Variants in CUBN observed in about 807,000 individuals in gnomAD.
The protein encoded by CUBN is cubilin.
Under a neutral mutation model 405.3 loss-of-function variants are expected in CUBN, and 282 were observed. The ratio of observed to expected loss-of-function variants is 0.70; its 90% CI spans 0.63 to 0.77. The LOEUF (loss-of-function observed/expected upper bound fraction) is 0.77, where lower values mean the gene tolerates loss of function less well. Among genes scored for constraint, CUBN ranks in the 30% least tolerant of loss-of-function variants. The pLI is 0.00. For synonymous variants in CUBN, 1,684 were observed against 1,617.0 expected, an observed-to-expected ratio of 1.04 and a Z score of -0.99; for missense variants, 4,514 against 4,475.2, an observed-to-expected ratio of 1.01 and a Z score of -0.25.
chr10:17,001,834 C>T (rs1475829624), intron 28 of CUBN, among the ~76,000 whole-genome samples: 1 of 152,088 alleles, frequency 6.6e-6, no homozygotes, highest in East Asian at 1.9e-4. Flanking sequence ...TTTTGGTACA[C>T]AGGGTCAAAA....
At chr10:16,872,349 C>CATAT (rs138781700) in intron 58 of CUBN, among the ~76,000 whole-genome samples, 9,229 of 148,966 alleles carry the variant, frequency 0.062, 319 homozygotes, top group African/African-American at 0.077. Flanking sequence ...TGTATACATA[C>CATAT]ATATATATAT....
chr10:17,013,922 G>C (rs1295687654), intron 28 of CUBN, among the ~76,000 whole-genome samples: 2 of 152,168 alleles, frequency 1.3e-5, no homozygotes, highest in Non-Finnish European at 2.9e-5. Context: ...ATCATCTCAG[G>C]CTGCATAAAT....
chr10:17,023,642 C>T (rs1438027727), intron 27 of CUBN: 1 of 455,916 alleles, frequency 2.2e-6, no homozygotes, highest in South Asian at 1.5e-5. Context: ...CTCATTGCAA[C>T]TACTGACAAG....
At chr10:16,936,420 T>A (rs117761513) in intron 39 of CUBN, among the ~76,000 whole-genome samples, 2,010 of 152,284 alleles carry the variant, frequency 0.013, 26 homozygotes, top group Non-Finnish European at 0.023. Context: ...AGCACCTTAT[T>A]AGAGAGGTAG....
Position 16,899,067 on chromosome 10 carries a change from A to G in CUBN, c.8527T>C (p.Leu2843=), listed in dbSNP as rs2131417185. The G allele has an allele frequency of 6.2e-7, 1 of 1,613,754 alleles. No individual in the cohort carries two copies. The highest frequency in any genetic ancestry group is 2.2e-5 in the East Asian group (1 of 44,876). The change falls in exon 54 of 67, where the codon TTG becomes CTG. Residue 2843 remains leucine, a synonymous_variant. Coordinates refer to ENST00000377833, the MANE Select transcript of CUBN (RefSeq NM_001081.4). ...WTAITHKSKH[L]EISFDNNFLI... is the part of the protein sequence containing the mutation. ...AAGTTGTTGTCAAAGCTGATCTCCA[A>G]GTGTTTACTTTTGTGAGTAATGGCC...
chr10:17,126,488 G>T (rs1381286867), intron 4 of CUBN, among the ~76,000 whole-genome samples: 6 of 152,174 alleles, frequency 3.9e-5, no homozygotes, highest in African/African-American at 1.4e-4. Context: ...CAGCTAAAGG[G>T]TGATGGTAAA....
At chr10:16,995,488 C>T (rs1301612654) in intron 28 of CUBN, among the ~76,000 whole-genome samples, 1 of 152,106 alleles carries the variant, frequency 6.6e-6, no homozygotes, top group Admixed American at 6.5e-5. Context: ...TGTATTCTAT[C>T]TTTACATTTT....
At chr10:16,875,982 G>A (rs17139411) in intron 57 of CUBN, among the ~76,000 whole-genome samples, 15,039 of 152,228 alleles carry the variant, frequency 0.099, 1,391 homozygotes, top group East Asian at 0.32. Context: ...ACAGCCATAT[G>A]TAGTCATACT....
At chr10:17,037,518 T>G (rs961260382) in intron 27 of CUBN, among the ~76,000 whole-genome samples, 3 of 152,236 alleles carry the variant, frequency 2.0e-5, no homozygotes, top group African/African-American at 7.2e-5. Context: ...AACTTCAGCA[T>G]AGACCACCAG....
rs1842612702 is a variant in CUBN at position 16,940,112 on chromosome 10, A to G, written c.5468T>C (p.Ile1823Thr). 2 of 1,614,034 alleles carry G rather than the reference A, an allele frequency of 1.2e-6. No individual in the cohort carries two copies. The highest frequency in any genetic ancestry group is 2.7e-5 in the African/African-American group (2 of 74,930). The change falls in exon 37 of 67, where the codon ATC becomes ACC. Residue 1823 changes from isoleucine to threonine, a missense_variant. By Grantham distance (89) the Ile-to-Thr change is moderately conservative (BLOSUM62 -1). This residue lies in a region of CUBN where 1,613 missense variants were observed against 1,542.8 expected (regional missense o/e 1.05). Transcript: ENST00000377833. ...GNSFPLNYSS[I>T]VGHTLWVRFI... is the part of the protein sequence containing the mutation. ...TCTGACCCACAGGGTATGTCCAACG[A>G]TGGAAGAATAATTGAGAGGGAAGGA... is the stretch of plus-strand genomic sequence containing the variant.
At chr10:17,101,573 A>G (rs1198785490) in intron 13 of CUBN, among the ~76,000 whole-genome samples, 1 of 152,186 alleles carries the variant, frequency 6.6e-6, no homozygotes, top group Non-Finnish European at 1.5e-5. Flanking sequence ...ATAGGATTTC[A>G]AGGGAAAATT....
intron 43 of CUBN, among the ~76,000 whole-genome samples, chr10:16,923,698 G>T (rs1588654209): frequency 6.6e-6 from 1 of 152,212 alleles, no homozygotes; most frequent in East Asian, 1.9e-4. Flanking sequence ...TAGAAGAGGT[G>T]CAATGTCAAA....
intron 10 of CUBN, among the ~76,000 whole-genome samples, chr10:17,106,990 A>T (rs1836648971): frequency 6.6e-6 from 1 of 152,232 alleles, no homozygotes; most frequent in Non-Finnish European, 1.5e-5. Context: ...CACACTTCTG[A>T]TGAGCTCCTC....
In CUBN at chr10:16,888,482, G is replaced by C. The variant is rs767920295; in HGVS notation, c.8840C>G (p.Thr2947Ser). The C allele has an allele frequency of 2.5e-6, 4 of 1,612,088 alleles. No homozygotes were observed. The highest frequency in any genetic ancestry group is 3.4e-6 in the Non-Finnish European group (4 of 1,178,334). The change falls in exon 56 of 67, where the codon ACC becomes AGC. Residue 2947 changes from threonine to serine, a missense_variant. Physicochemically the swap from Thr to Ser is moderately conservative, Grantham distance 58. This residue lies in a region of CUBN where 1,186 missense variants were observed against 1,186.9 expected (regional missense o/e 1.00). Coordinates refer to ENST00000377833, the MANE Select transcript of CUBN (RefSeq NM_001081.4). ...PKQYDNNMNCTYVIEANPLSV... is the reference protein window; with the variant it reads ...PKQYDNNMNCSYVIEANPLSV... ...CAGAGGATTAGCCTCTATGACATAG[G>C]TGCAATTCATGTTGTTGTCATATTG...
At position 17,031,674 on chromosome 10, in the gene CUBN, G is replaced by C. The variant is rs771237839; in HGVS notation, c.4017+9359C>G. Among the ~76,000 whole-genome samples the C allele has an allele frequency of 5.9e-5, 9 of 152,222 alleles. 1 individual carries two copies. The highest frequency in any genetic ancestry group is 4.6e-4 in the Admixed American group (7 of 15,290). ...CCCATGGTAGTCACCAGATAGAAGA[G>C]TGCTGGCTGAGGCAGTTCTAATTCC... On this transcript the variant is annotated intron_variant, in intron 27 of 66. Transcript: ENST00000377833.
At position 16,899,161 on chromosome 10, in the gene CUBN, A is replaced by T; in HGVS notation, c.8433T>A (p.Ser2811=). The stretch of plus-strand genomic sequence containing the variant: ...GAGGGGATCTGATTGTACCATTATC[A>T]GAATGAAATATTCCACCACAACCTG... ...QTLGCGGIFH[S]DNGTIRSPHW... is the part of the protein sequence containing the mutation. Residue 2811 remains serine, a synonymous_variant, in exon 54 of 67, where the codon TCT becomes TCA. Transcript: ENST00000377833. 1 of 1,614,044 alleles carries T rather than the reference A, an allele frequency of 6.2e-7. No homozygotes were observed. Among genetic ancestry groups the T allele is most frequent in the Non-Finnish European group, 8.5e-7 (1 of 1,179,874 alleles).
At chr10:17,018,229 G>A (rs931488474) in intron 28 of CUBN, among the ~76,000 whole-genome samples, 2 of 152,172 alleles carry the variant, frequency 1.3e-5, no homozygotes, top group Non-Finnish European at 2.9e-5. Context: ...AGGAAAAATA[G>A]GACAGAATAG....
intron 7 of CUBN, 77 bp downstream of exon 7, chr10:17,115,394 A>G: frequency 1.3e-6 from 2 of 1,582,458 alleles, no homozygotes; most frequent in South Asian, 2.2e-5. Context: ...TAGTGCTTGT[A>G]TGCAGTGGGC....
chr10:17,016,451 A>G (rs2356213), intron 28 of CUBN, among the ~76,000 whole-genome samples: 57,534 of 152,034 alleles, frequency 0.38, 11,282 homozygotes, highest in East Asian at 0.6. Flanking sequence ...AGCTAAAGCC[A>G]CATTCTTTTC....
Sources: allele counts gnomAD v4.1 joint callset (sites outside exome capture counted in the v4.1 genomes callset), GRCh38; gene constraint gnomAD v4.1.1; regional missense constraint gnomAD v4.1.1; transcripts MANE v1.5; gene names NCBI Gene and HGNC (gene_info 2026-07-23, HGNC 2026-07-21).